ANKS1B: variants seen among roughly 807,000 people sequenced by gnomAD.
ANKS1B encodes ankyrin repeat and sterile alpha motif domain containing 1B, also known as ankyrin repeat and sterile alpha motif domain-containing protein 1B.
A neutral mutation model predicts 148.3 loss-of-function variants in ANKS1B; 36 were observed. That is an observed-to-expected ratio of 0.24 (90% CI 0.19 to 0.32). The LOEUF (loss-of-function observed/expected upper bound fraction) is 0.32. Among genes scored for constraint, ANKS1B ranks in the 10% least tolerant of loss-of-function variants. ANKS1B has a pLI of 1.00. For missense variants in ANKS1B, 1,157 were observed against 1,542.6 expected, an observed-to-expected ratio of 0.75 and a Z score of 4.19; for synonymous variants, 542 against 560.8, an observed-to-expected ratio of 0.97 and a Z score of 0.47.
intron 11 of ANKS1B, among the ~76,000 whole-genome samples, chr12:99,432,920 A>G (rs904686891): frequency 1.3e-5 from 2 of 152,126 alleles, no homozygotes; most frequent in Non-Finnish European, 2.9e-5. Flanking sequence ...GTCAGATTAT[A>G]TTGGATGTCA....
In ANKS1B at chr12:99,746,059, T is replaced by A. The variant is rs552438276; in HGVS notation, c.1128+26863A>T. 4.6e-5 allele frequency among the ~76,000 whole-genome samples: 7 copies of A among 152,294 alleles called. No homozygotes were observed. The East Asian group carries it at 1.3e-3, about 29-fold the overall frequency. ...GTAATAACAAAAAGACTCAGTTATG[T>A]AAGTAATTTGTGTCCAAGTTTACAT... On this transcript the variant is annotated intron_variant, in intron 8 of 26. Coordinates refer to ENST00000683438, the MANE Select transcript of ANKS1B (RefSeq NM_001352186.2).
chr12:99,272,264 T>C (rs1194631701), intron 12 of ANKS1B, among the ~76,000 whole-genome samples: 1 of 152,148 alleles, frequency 6.6e-6, no homozygotes, highest in Non-Finnish European at 1.5e-5. Context: ...ACCCAGGGAT[T>C]ACATCTTTGT....
chr12:99,295,706 A>C (rs562101667), intron 12 of ANKS1B, among the ~76,000 whole-genome samples: 57 of 152,304 alleles, frequency 3.7e-4, no homozygotes, highest in Non-Finnish European at 5.9e-4. Flanking sequence ...CTTCACACCC[A>C]GGTGTTAAGC....
intron 9 of ANKS1B, among the ~76,000 whole-genome samples, chr12:99,636,095 G>C (rs1290864154): frequency 6.6e-6 from 1 of 151,782 alleles, no homozygotes; most frequent in African/African-American, 2.4e-5. Context: ...AAACAGGCTG[G>C]AAAAATACTT....
intron 9 of ANKS1B, among the ~76,000 whole-genome samples, chr12:99,628,239 C>A (rs1278720872): frequency 6.6e-6 from 1 of 152,020 alleles, no homozygotes; most frequent in East Asian, 1.9e-4. Context: ...TCTTATGAGC[C>A]CACCATCATA....
intron 12 of ANKS1B, among the ~76,000 whole-genome samples, chr12:99,350,990 G>T (rs537001766): frequency 1.3e-5 from 2 of 152,096 alleles, no homozygotes; most frequent in East Asian, 3.9e-4. Flanking sequence ...ATTTTATTTT[G>T]AGAACTATCT....
chr12:99,150,266 A>G (rs1003550754), intron 15 of ANKS1B, among the ~76,000 whole-genome samples: 1 of 152,216 alleles, frequency 6.6e-6, no homozygotes, highest in African/African-American at 2.4e-5. Context: ...AAGCAAGGAA[A>G]CTGAATACAC....
intron 2 of ANKS1B, among the ~76,000 whole-genome samples, chr12:99,816,428 T>C (rs2069158228): frequency 6.6e-6 from 1 of 151,864 alleles, no homozygotes; most frequent in Non-Finnish European, 1.5e-5. Flanking sequence ...CTCTGTGGGT[T>C]GTCTGTTTAC....
In ANKS1B at chr12:99,753,345, A is replaced by G. The variant is rs560429471; in HGVS notation, c.1128+19577T>C. Among the ~76,000 whole-genome samples, 3 of 152,266 alleles carry G rather than the reference A, an allele frequency of 2.0e-5. No individual in the cohort carries two copies. The South Asian group carries it at 6.2e-4, about 32-fold the overall frequency. ...ATATTTTTAGACAAATAACAAAGGA[A>G]TAAGCTATACTGGTGGCAGGAAGGA... is the stretch of plus-strand genomic sequence containing the variant. On this transcript the variant is annotated intron_variant, in intron 8 of 26. Coordinates refer to ENST00000683438, the MANE Select transcript of ANKS1B (RefSeq NM_001352186.2).
rs869145338 is a variant in ANKS1B, at chr12:98,948,947, CT to C, written c.2778+104209del. On this transcript the variant is annotated intron_variant, in intron 17 of 26. Coordinates refer to ENST00000683438, the MANE Select transcript of ANKS1B (RefSeq NM_001352186.2). The stretch of plus-strand genomic sequence containing the variant: ...AGGGGTGAGATATGAGCATGAGCTA[CT>C]TTTTTTTTTTTTTTTTTTTTTTGAG... Among the ~76,000 whole-genome samples the C allele has an allele frequency of 5.6e-3, 476 of 84,840 alleles. 4 individuals carry two copies. Among genetic ancestry groups the C allele is most frequent in the East Asian group, 0.018 (47 of 2,566 alleles). 55.7% of individuals were successfully genotyped at this position (84,840 alleles called of 152,430 possible).
intron 24 of ANKS1B, among the ~76,000 whole-genome samples, chr12:98,780,863 A>G (rs1199049935): frequency 6.6e-6 from 1 of 152,236 alleles, no homozygotes; most frequent in African/African-American, 2.4e-5. Flanking sequence ...GCATCATGAC[A>G]AAGTGAAAGC....
At chr12:99,261,480 G>C (rs1315376741) in intron 12 of ANKS1B, among the ~76,000 whole-genome samples, 1 of 152,006 alleles carries the variant, frequency 6.6e-6, no homozygotes, top group African/African-American at 2.4e-5. Flanking sequence ...TGGCCCCAGG[G>C]TTTAACATAT....
At chr12:99,069,073 A>G (rs1294694975) in intron 16 of ANKS1B, among the ~76,000 whole-genome samples, 1 of 152,222 alleles carries the variant, frequency 6.6e-6, no homozygotes, top group Non-Finnish European at 1.5e-5. Context: ...CTCTGGACTT[A>G]GCATAGAGCT....
chr12:99,809,178 A>G (rs2068017711), intron 3 of ANKS1B, among the ~76,000 whole-genome samples: 1 of 152,078 alleles, frequency 6.6e-6, no homozygotes, highest in African/African-American at 2.4e-5. Flanking sequence ...CTTCTTTTTT[A>G]CCAAATGGGT....
chr12:99,466,171 A>C (rs367849741), intron 10 of ANKS1B, among the ~76,000 whole-genome samples: 76 of 152,186 alleles, frequency 5.0e-4, no homozygotes, highest in East Asian at 4.1e-3. Flanking sequence ...AACTGAACAA[A>C]CTGCTCCTGA....
intron 9 of ANKS1B, among the ~76,000 whole-genome samples, chr12:99,576,280 G>A (rs2097519155): frequency 6.6e-6 from 1 of 151,960 alleles, no homozygotes; most frequent in Non-Finnish European, 1.5e-5. Context: ...ATGATACTTA[G>A]ATAACCACAC....
chr12:99,899,033 T>A (rs1196960582), intron 1 of ANKS1B, among the ~76,000 whole-genome samples: 2 of 152,170 alleles, frequency 1.3e-5, no homozygotes, highest in Admixed American at 1.3e-4. Context: ...GACTACAAAT[T>A]AGTGGCATTG....
At chr12:99,414,118 C>CTTT (rs35133605) in intron 11 of ANKS1B, among the ~76,000 whole-genome samples, 1 of 147,010 alleles carries the variant, frequency 6.8e-6, no homozygotes, top group African/African-American at 2.5e-5. Flanking sequence ...AGCAGTTATA[C>CTTT]TTTTTTTTTT....
At chr12:98,940,987 C>T (rs750203615) in intron 17 of ANKS1B, among the ~76,000 whole-genome samples, 7 of 152,056 alleles carry the variant, frequency 4.6e-5, no homozygotes, top group Non-Finnish European at 8.8e-5. Flanking sequence ...ACAGAGAATT[C>T]TTACTATTCA....
Sources: allele counts gnomAD v4.1 joint callset (sites outside exome capture counted in the v4.1 genomes callset), GRCh38; gene constraint gnomAD v4.1.1; transcripts MANE v1.5; gene names NCBI Gene and HGNC (gene_info 2026-07-23, HGNC 2026-07-21).